TEAD1: variants seen among roughly 807,000 people sequenced by gnomAD.
TEAD1 encodes TEA domain transcription factor 1, also known as transcriptional enhancer factor TEF-1.
TEAD1 carries 9 observed loss-of-function variants against 54.9 expected under a neutral mutation model. The observed-to-expected ratio is 0.16, with a 90% CI of 0.10 to 0.29. The LOEUF is 0.29. Ranked by LOEUF, TEAD1 falls within the 10% of genes least tolerant of loss-of-function variation. The pLI is 1.00. For missense variants in TEAD1, 387 were observed against 535.9 expected, an observed-to-expected ratio of 0.72 and a Z score of 2.74; for synonymous variants, 200 against 187.8, an observed-to-expected ratio of 1.07 and a Z score of -0.53.
chr11:12,704,937 A>C (rs569688027), intron 2 of TEAD1, among the ~76,000 whole-genome samples: 1 of 152,246 alleles, frequency 6.6e-6, no homozygotes, highest in Non-Finnish European at 1.5e-5. Flanking sequence ...TAATGAAAAC[A>C]TACACCGTGT....
At chr11:12,862,933 A>G (rs547538983) in intron 4 of TEAD1, among the ~76,000 whole-genome samples, 1 of 152,280 alleles carries the variant, frequency 6.6e-6, no homozygotes, top group Admixed American at 6.5e-5. Flanking sequence ...TCGTTCTTTC[A>G]GATGTAAAAC....
At position 12,681,114 on chromosome 11, in the gene TEAD1, C is replaced by T. The variant is rs796652193; in HGVS notation, c.-55+5553C>T. On this transcript the variant is annotated intron_variant, in intron 2 of 12. Transcript: ENST00000527636. Reference sequence around the variant, plus strand: ...ACAATGCTGGTTAGAGTTAGAGCTCCATTAGCTGAAGGAACCATCAGCCCC... The same window carrying T: ...ACAATGCTGGTTAGAGTTAGAGCTCTATTAGCTGAAGGAACCATCAGCCCC... Among the ~76,000 whole-genome samples the T allele has an allele frequency of 9.9e-5, 15 of 152,246 alleles. 1 individual carries two copies. Among genetic ancestry groups the T allele is most frequent in the African/African-American group, 3.6e-4 (15 of 41,558 alleles).
intron 11 of TEAD1, among the ~76,000 whole-genome samples, chr11:12,929,168 G>GTGTGTA (rs1948963466): frequency 1.3e-5 from 1 of 77,346 alleles, no homozygotes; most frequent in Non-Finnish European, 2.8e-5. Flanking sequence ...TTTGCCGTGT[G>GTGTGTA]TGTGTGTGTG....
At chr11:12,717,877 C>T (rs892260641) in intron 2 of TEAD1, among the ~76,000 whole-genome samples, 7 of 152,192 alleles carry the variant, frequency 4.6e-5, no homozygotes, top group African/African-American at 1.7e-4. Flanking sequence ...CTTCACCTTG[C>T]CATTTACTGG....
chr11:12,758,604 C>T (rs1356334589), intron 2 of TEAD1, among the ~76,000 whole-genome samples: 2 of 152,040 alleles, frequency 1.3e-5, no homozygotes, highest in Non-Finnish European at 2.9e-5. Context: ...TTAGTAGAGA[C>T]GGGGTTTCAT....
intron 2 of TEAD1, among the ~76,000 whole-genome samples, chr11:12,708,823 A>G (rs554041200): frequency 6.6e-6 from 1 of 152,238 alleles, no homozygotes; most frequent in Non-Finnish European, 1.5e-5. Context: ...TAAAGAAATT[A>G]TGTACAAAAG....
chr11:12,713,962 T>C (rs2133855631), intron 2 of TEAD1, among the ~76,000 whole-genome samples: 1 of 152,358 alleles, frequency 6.6e-6, no homozygotes, highest in Non-Finnish European at 1.5e-5. Flanking sequence ...ATGCCTCACT[T>C]TGATGAATGG....
intron 10 of TEAD1, chr11:12,904,839 G>C (rs1412792463): frequency 2.8e-6 from 1 of 356,228 alleles, no homozygotes; most frequent in East Asian, 9.7e-5. Context: ...TATCGTACAT[G>C]ATCACCAAAC....
At chr11:12,706,841 C>T (rs1472716562) in intron 2 of TEAD1, among the ~76,000 whole-genome samples, 1 of 152,146 alleles carries the variant, frequency 6.6e-6, no homozygotes, top group East Asian at 1.9e-4. Flanking sequence ...CATATCCTCT[C>T]ACCATCTCCA....
At chr11:12,729,292 C>T (rs898815545) in intron 2 of TEAD1, among the ~76,000 whole-genome samples, 10 of 152,214 alleles carry the variant, frequency 6.6e-5, no homozygotes, top group African/African-American at 2.2e-4. Flanking sequence ...GCAACAGCAG[C>T]GTCAGCATCA....
chr11:12,684,803 C>T (rs1483629142), intron 2 of TEAD1, among the ~76,000 whole-genome samples: 2 of 152,258 alleles, frequency 1.3e-5, no homozygotes, highest in African/African-American at 4.8e-5. Flanking sequence ...CTAAGACTCG[C>T]TTCCTCTGGG....
chr11:12,786,260 G>A (rs954783825), intron 3 of TEAD1, among the ~76,000 whole-genome samples: 2 of 152,148 alleles, frequency 1.3e-5, no homozygotes, highest in Non-Finnish European at 2.9e-5. Context: ...TAGCTTTCTC[G>A]GACTGCACTG....
chr11:12,844,412 T>A (rs948386664), intron 3 of TEAD1, among the ~76,000 whole-genome samples: 3 of 152,122 alleles, frequency 2.0e-5, no homozygotes, highest in Non-Finnish European at 4.4e-5. Flanking sequence ...CCTTTTTATG[T>A]TTGAGGGGAT....
At position 12,823,203 on chromosome 11, in the gene TEAD1, C is replaced by A. The variant is rs192559425; in HGVS notation, c.203-39047C>A. 1.2e-3 allele frequency among the ~76,000 whole-genome samples: 184 copies of A among 152,286 alleles called. 2 individuals are homozygous for A. Among genetic ancestry groups the A allele is most frequent in the Admixed American group, 0.012 (182 of 15,302 alleles). On this transcript the variant is annotated intron_variant, in intron 3 of 12. Transcript: ENST00000527636. ...AGGGAATGTATAATGACAAATTAGACCTTGTAGGACTTGTGCATGGAGCTT... is the reference window on the plus strand; with the variant it reads ...AGGGAATGTATAATGACAAATTAGAACTTGTAGGACTTGTGCATGGAGCTT...
intron 11 of TEAD1, 62 bp from the exon 12 acceptor site, chr11:12,930,112 A>G (rs888450212): frequency 1.2e-6 from 2 of 1,600,294 alleles, no homozygotes; most frequent in Non-Finnish European, 1.7e-6. Context: ...GGGCAGTAAT[A>G]TCTGTTTCAT....
Position 12,881,977 on chromosome 11 carries a change from CT to C in TEAD1, c.574+25del. 6.2e-7 allele frequency: 1 copy of C among 1,613,260 alleles called. No individual in the cohort carries two copies. The highest frequency in any genetic ancestry group is 8.5e-7 in the Non-Finnish European group (1 of 1,179,246). ...TTCCAGGTGAGTGTCCCTGAAACTC[CT>C]TTTTGGGAGCACAGCCCCACACAGC... On this transcript the variant is annotated intron_variant, in intron 8 of 12. Transcript: ENST00000527636.
chr11:12,870,200 C>G (rs965013954), intron 5 of TEAD1, among the ~76,000 whole-genome samples: 2 of 152,114 alleles, frequency 1.3e-5, no homozygotes, highest in African/African-American at 4.8e-5. Flanking sequence ...CAATTATCTA[C>G]CATGAATTTG....
chr11:12,758,732 A>G (rs555581033), intron 2 of TEAD1, among the ~76,000 whole-genome samples: 1 of 151,968 alleles, frequency 6.6e-6, no homozygotes, highest in East Asian at 1.9e-4. Context: ...AAATAGAGGC[A>G]AGGTTTCACC....
chr11:12,897,588 C>CA (rs1438560510), intron 9 of TEAD1, among the ~76,000 whole-genome samples: 1 of 152,188 alleles, frequency 6.6e-6, no homozygotes, highest in East Asian at 1.9e-4. Flanking sequence ...TGCCAATGGT[C>CA]AGAGTTTGGT....
Sources: gnomAD v4.1 joint callset for allele counts (sites outside exome capture counted in the v4.1 genomes callset) on GRCh38, gnomAD v4.1.1 for gene constraint, MANE v1.5 for transcripts, NCBI Gene and HGNC (gene_info 2026-07-23, HGNC 2026-07-21) for gene names.